Variants in SGCA observed in about 807,000 individuals in gnomAD.
SGCA encodes alpha-sarcoglycan.
Under a neutral mutation model 38.1 loss-of-function variants are expected in SGCA, and 34 were observed. The ratio of observed to expected loss-of-function variants is 0.89; its 90% CI spans 0.68 to 1.19. SGCA has a LOEUF of 1.19. Among genes scored for constraint, SGCA ranks in the 50% most tolerant of loss-of-function variants. The pLI is 0.00. For synonymous variants in SGCA, 209 were observed against 214.6 expected, an observed-to-expected ratio of 0.97 and a Z score of 0.23; for missense variants, 476 against 524.9, an observed-to-expected ratio of 0.91 and a Z score of 0.91.
intron 8 of SGCA, chr17:50,171,670 G>A: frequency 2.2e-6 from 1 of 456,788 alleles, no homozygotes; most frequent in Non-Finnish European, 4.4e-6. Context: ...GGACTTGGAG[G>A]CCTGCTTCTT....
chr17:50,169,222 C>G lies in SGCA; in HGVS notation c.715C>G (p.His239Asp). ...GTCTTGCTACGACACCTTGGCACCC[C>G]ACTTCCGCGTTGACTGGTGCAATGT... ...LLSCYDTLAP[H>D]FRVDWCNVTL... The change falls in exon 6 of 10, where the codon CAC becomes GAC. Residue 239 changes from histidine (H) to aspartate (D), a missense_variant. Physicochemically the swap from His to Asp is moderately conservative, Grantham distance 81 (BLOSUM62 -1). Transcript: ENST00000262018. 1 of 1,613,976 alleles carries G rather than the reference C, an allele frequency of 6.2e-7. No individual in the cohort carries two copies. The highest frequency in any genetic ancestry group is 8.5e-7 in the Non-Finnish European group (1 of 1,179,932).
rs767928766 is a variant in SGCA, at chr17:50,167,621, T to C, written c.197T>C (p.Leu66Pro). The C allele has an allele frequency of 6.2e-7, 1 of 1,613,496 alleles. No individual in the cohort carries two copies. The highest frequency in any genetic ancestry group is 8.5e-7 in the Non-Finnish European group (1 of 1,179,990). The change falls in exon 3 of 10, where the codon CTC becomes CCC. Residue 66 changes from leucine to proline, a missense_variant. Transcript: ENST00000262018. The surrounding 1 kb of genome is among the most constrained non-coding windows in gnomAD (Gnocchi z 4.5). ...GTCCACATCACCTACCACGCCCACC[T>C]CCAGGGACACCCAGACCTGCCCCGG... Reference protein sequence around the residue: ...PAVHITYHAHLQGHPDLPRWL... With the variant: ...PAVHITYHAHPQGHPDLPRWL...
In SGCA at chr17:50,175,833, A is replaced by AG. The variant is rs1567747127; in HGVS notation, c.*139dup. The AG allele has an allele frequency of 2.1e-6, 1 of 469,264 alleles. No homozygotes were observed. Among genetic ancestry groups the AG allele is most frequent in the Admixed American group, 2.4e-5 (1 of 42,542 alleles). The allele number at this position is 469,264 out of a possible 1,614,324, so 29.1% of individuals were successfully genotyped here. On this transcript the variant is annotated 3_prime_UTR_variant, in exon 10 of 10. Coordinates refer to ENST00000262018, the MANE Select transcript of SGCA (RefSeq NM_000023.4). ...ACCCAGGCTCTAAACAAGCAGGGAG[A>AG]GGGGGTGGGGTGGGGTGAGAGTGTG...
chr17:50,168,684 C>T (rs996357288), intron 5 of SGCA, 112 bp downstream of exon 5: 8 of 938,390 alleles, frequency 8.5e-6, no homozygotes, highest in African/African-American at 8.1e-5. Context: ...CACATCTCCA[C>T]CTCCCAGCTT....
In SGCA at chr17:50,170,641, C is replaced by A; in HGVS notation, c.958C>A (p.Leu320Met). The change falls in exon 8 of 10, where the codon CTG becomes ATG. Residue 320 changes from leucine to methionine, a missense_variant and splice_region_variant. Leu to Met is a conservative substitution (Grantham distance 15, BLOSUM62 2). Coordinates refer to ENST00000262018, the MANE Select transcript of SGCA (RefSeq NM_000023.4). The part of the protein sequence containing the change: ...YVMCCRREGR[L>M]KRDLATSDIQ... ...ACCCTCTCCTTCACTTTTCCACAGG[C>A]TGAAGAGAGACCTGGCTACCTCCGA... The A allele has an allele frequency of 6.4e-7, 1 of 1,561,060 alleles. No homozygotes were observed. Among genetic ancestry groups the A allele is most frequent in the Non-Finnish European group, 8.7e-7 (1 of 1,151,268 alleles).
Position 50,170,109 on chromosome 17 carries a change from C to T in SGCA, c.748-34C>T, listed in dbSNP as rs1331923306. The T allele has an allele frequency of 4.4e-6, 7 of 1,595,198 alleles. No homozygotes were observed. In the Admixed American group the frequency reaches 5.0e-5, roughly 11 times the overall value. On this transcript the variant is annotated intron_variant, in intron 6 of 9. Coordinates refer to ENST00000262018, the MANE Select transcript of SGCA (RefSeq NM_000023.4). ...CTGGGGACCTCTGTGTCCAGCCAGC[C>T]ACTTCCTGCGTCAGCCCTGAGCTCT... is the stretch of plus-strand genomic sequence containing the variant.
intron 6 of SGCA, 138 bp downstream of exon 6, chr17:50,169,392 G>A (rs977489826): frequency 1.6e-6 from 1 of 638,314 alleles, no homozygotes; most frequent in Non-Finnish European, 2.7e-6. Flanking sequence ...TCTCAGTATT[G>A]CCCACAGGCT....
chr17:50,170,259 G>C lies in SGCA; in HGVS notation c.864G>C (p.Val288=), dbSNP rs1244830971. Residue 288 remains valine, a synonymous_variant, in exon 7 of 10, where the codon GTG becomes GTC. Coordinates refer to ENST00000262018, the MANE Select transcript of SGCA (RefSeq NM_000023.4). ...AGGCCCCAGACCGTGACTTCTTGGTGGATGCTCTGGTCACCCTCCTGGTGC... is the reference window on the plus strand; with the variant it reads ...AGGCCCCAGACCGTGACTTCTTGGTCGATGCTCTGGTCACCCTCCTGGTGC... ...PTEAPDRDFL[V]DALVTLLVPL... 3 of 1,614,216 alleles carry C rather than the reference G, an allele frequency of 1.9e-6. No individual in the cohort carries two copies. Among genetic ancestry groups the C allele is most frequent in the Admixed American group, 3.3e-5 (2 of 60,028 alleles).
intron 5 of SGCA, 134 bp downstream of exon 5, chr17:50,168,706 C>T: frequency 1.3e-6 from 1 of 793,902 alleles, no homozygotes. Flanking sequence ...ACACCCCTCA[C>T]CACTCTCCTC....
At chr17:50,166,854 C>A (rs1904893273) in intron 1 of SGCA, among the ~76,000 whole-genome samples, 1 of 93,736 alleles carries the variant, frequency 1.1e-5, no homozygotes, top group Non-Finnish European at 2.1e-5. Context: ...ACACACACCC[C>A]CCACACACAC....
chr17:50,171,608 G>A (rs1447172434), intron 8 of SGCA: 2 of 456,668 alleles, frequency 4.4e-6, no homozygotes, highest in Admixed American at 4.7e-5. Context: ...TGTCCAAAGG[G>A]GCGCTGCCCA....
chr17:50,169,441 A>ACACACACACACACC, intron 6 of SGCA, 187 bp downstream of exon 6: 1 of 589,844 alleles, frequency 1.7e-6, no homozygotes, highest in African/African-American at 1.9e-5. Flanking sequence ...ACACACACAC[A>ACACACACACACACC]CACACCCCTG....
chr17:50,171,042 C>T (rs184193668), intron 8 of SGCA, among the ~76,000 whole-genome samples: 399 of 152,258 alleles, frequency 2.6e-3, no homozygotes, highest in Non-Finnish European at 4.6e-3. Context: ...CCAGCCTGGG[C>T]GACAGAGTGA....
chr17:50,166,144 G>A (rs766190767), intron 1 of SGCA, 67 bp downstream of exon 1: 3 of 1,278,668 alleles, frequency 2.3e-6, no homozygotes, highest in Non-Finnish European at 2.3e-6. Flanking sequence ...GTGGTAAGAC[G>A]GAGGTGTGGA....
rs766947313 is a variant in SGCA at position 50,175,246 on chromosome 17, T to A, written c.984-11T>A. 1.3e-6 allele frequency: 2 copies of A among 1,594,848 alleles called. No individual in the cohort carries two copies. The highest frequency in any genetic ancestry group is 1.7e-6 in the Non-Finnish European group (2 of 1,171,558). On this transcript the variant is annotated splice_polypyrimidine_tract_variant and intron_variant, in intron 8 of 9. Coordinates refer to ENST00000262018, the MANE Select transcript of SGCA (RefSeq NM_000023.4). Reference sequence around the variant, plus strand: ...CTCCCAGAGCTGATGACTCCCCACCTGTGCCTCCAGCATCCAGATGGTCCA... The same window carrying A: ...CTCCCAGAGCTGATGACTCCCCACCAGTGCCTCCAGCATCCAGATGGTCCA...
chr17:50,166,823 ACACACACCCCACACACCGT>A (rs1904883086), intron 1 of SGCA, among the ~76,000 whole-genome samples: 1 of 111,138 alleles, frequency 9.0e-6, no homozygotes, highest in African/African-American at 3.7e-5. Context: ...ACACCGTCAC[ACACACACCCCACACACCGT>A]CACACACACC....
At chr17:50,174,519 T>G (rs1427888754) in intron 8 of SGCA, among the ~76,000 whole-genome samples, 1 of 151,934 alleles carries the variant, frequency 6.6e-6, no homozygotes, top group Non-Finnish European at 1.5e-5. Flanking sequence ...TTTTGGTTTT[T>G]TTTTTTAAAT....
At chr17:50,173,403 G>T (rs1050939886) in intron 8 of SGCA, among the ~76,000 whole-genome samples, 1 of 149,402 alleles carries the variant, frequency 6.7e-6, no homozygotes, top group East Asian at 2.0e-4. Context: ...GGCCACGTGT[G>T]TGTGTGTCTG....
At chr17:50,168,640 G>C in intron 5 of SGCA, 68 bp downstream of exon 5, 6 of 1,421,898 alleles carry the variant, frequency 4.2e-6, no homozygotes, top group Non-Finnish European at 9.7e-7. Flanking sequence ...ATAGAACAAG[G>C]GTCTCCCTAA....
Sources: allele counts gnomAD v4.1 joint callset (sites outside exome capture counted in the v4.1 genomes callset), GRCh38; gene constraint gnomAD v4.1.1; non-coding constraint Gnocchi (gnomAD v3.1); transcripts MANE v1.5; gene names NCBI Gene and HGNC (gene_info 2026-07-23, HGNC 2026-07-21).